ZFPM1: variants seen among roughly 807,000 people sequenced by gnomAD.
ZFPM1 encodes the protein zinc finger protein, FOG family member 1, also known as zinc finger protein ZFPM1.
In ZFPM1, 28 loss-of-function variants were observed where a neutral mutation model predicts 46.3. The ratio of observed to expected loss-of-function variants is 0.60; its 90% CI spans 0.45 to 0.83. The LOEUF is 0.83. Ranked by LOEUF, ZFPM1 falls within the 40% of genes least tolerant of loss-of-function variation. The pLI, the probability that ZFPM1 is intolerant of heterozygous loss-of-function variation, is 0.00. For missense variants in ZFPM1, 1,878 were observed against 1,432.4 expected (o/e 1.31, Z -5.02); for synonymous variants, 957 against 675.9 (o/e 1.42, Z -6.45).
At chr16:88,467,781 TG>T (rs1196393933) in intron 1 of ZFPM1, among the ~76,000 whole-genome samples, 2 of 152,042 alleles carry the variant, frequency 1.3e-5, no homozygotes, top group Admixed American at 6.5e-5. Context: ...TCCATGGCTT[TG>T]GGAGGTGGGG....
rs1913039786 is a variant in ZFPM1 at position 88,534,000 on chromosome 16, G to A, written c.2042G>A (p.Ser681Asn). 7.3e-7 allele frequency: 1 copy of A among 1,371,586 alleles called. No homozygotes were observed. The highest frequency in any genetic ancestry group is 9.6e-7 in the Non-Finnish European group (1 of 1,046,804). 85.0% of individuals were successfully genotyped at this position (1,371,586 alleles called of 1,614,324 possible). A position where few individuals can be genotyped will look rare whatever the true frequency, so the allele number is the denominator to read the frequency against. ...SSVDDAEDDPSRTLCEACNIR... is the reference protein window; with the variant it reads ...SSVDDAEDDPNRTLCEACNIR... ...GTGGACGACGCGGAGGACGACCCCA[G>A]CCGCACGCTGTGCGAGGCCTGCAAC... The change falls in exon 10 of 10, where the codon AGC (serine) becomes AAC (asparagine). Residue 681 changes from serine (S) to asparagine (N), a missense_variant. Transcript: ENST00000319555.
intron 3 of ZFPM1, among the ~76,000 whole-genome samples, chr16:88,499,136 C>G (rs1030316210): frequency 6.6e-6 from 1 of 152,200 alleles, no homozygotes; most frequent in African/African-American, 2.4e-5. Context: ...TGCCGGCACC[C>G]TGGGGCCTGG....
intron 3 of ZFPM1, among the ~76,000 whole-genome samples, chr16:88,512,528 C>G (rs538241167): frequency 6.6e-6 from 1 of 152,254 alleles, no homozygotes; most frequent in African/African-American, 2.4e-5. Flanking sequence ...GACAAGGGGT[C>G]CTCTTGGCCC....
At chr16:88,513,664 G>A (rs548233907) in intron 3 of ZFPM1, among the ~76,000 whole-genome samples, 2 of 152,208 alleles carry the variant, frequency 1.3e-5, no homozygotes, top group Non-Finnish European at 2.9e-5. Flanking sequence ...GTGTGTCCTC[G>A]GCTGGGTGCT....
rs189170958 is a variant in ZFPM1 at position 88,466,962 on chromosome 16, C to T, written c.40+13284C>T. ...CGGCAGGGCTCAGTGAACCCCAAAA[C>T]GGCGGTGGTATTAATGGGGGGACAC... On this transcript the variant is annotated intron_variant, in intron 1 of 9. Transcript: ENST00000319555. 1.8e-3 allele frequency among the ~76,000 whole-genome samples: 281 copies of T among 152,158 alleles called. 2 individuals carry two copies. In the Middle Eastern group the frequency reaches 0.027, roughly 15 times the overall value.
Position 88,533,358 on chromosome 16 carries a change from T to C in ZFPM1, c.1400T>C (p.Val467Ala), listed in dbSNP as rs750433569. 31 of 1,531,038 alleles carry C rather than the reference T, an allele frequency of 2.0e-5. 1 individual carries two copies. The South Asian group carries it at 2.5e-4, about 12-fold the overall frequency. 94.8% of individuals were successfully genotyped at this position (1,531,038 alleles called of 1,614,324 possible). The change falls in exon 10 of 10, where the codon GTG becomes GCG. Residue 467 changes from valine (V) to alanine (A), a missense_variant. Physicochemically the swap from Val to Ala is moderately conservative, Grantham distance 64. Transcript: ENST00000319555. ...AAPRSIKVEA[V>A]EEPEAAPILG... is the part of the protein sequence containing the mutation. ...CCCAGGAGCATCAAGGTGGAGGCGG[T>C]GGAGGAGCCGGAGGCGGCCCCCATC...
chr16:88,498,525 C>G (rs2142394991), intron 3 of ZFPM1, among the ~76,000 whole-genome samples: 1 of 152,338 alleles, frequency 6.6e-6, no homozygotes, highest in South Asian at 2.1e-4. Flanking sequence ...CCCAGGCCCT[C>G]CGGGATCTGC....
chr16:88,509,543 C>CG (rs1166113226), intron 3 of ZFPM1, among the ~76,000 whole-genome samples: 1 of 152,238 alleles, frequency 6.6e-6, no homozygotes, highest in Non-Finnish European at 1.5e-5. Context: ...CACAGGGTGA[C>CG]GCCTTCACCT....
At chr16:88,485,602 G>C (rs915092543) in intron 1 of ZFPM1, among the ~76,000 whole-genome samples, 10 of 151,654 alleles carry the variant, frequency 6.6e-5, no homozygotes, top group African/African-American at 2.2e-4. Context: ...ACCACACCCA[G>C]CTAATTTTTG....
At chr16:88,533,062 C>T in intron 9 of ZFPM1, 86 bp from the exon 10 acceptor site, 1 of 1,468,114 alleles carries the variant, frequency 6.8e-7, no homozygotes, top group Non-Finnish European at 9.0e-7. Context: ...CCCGCCCACC[C>T]CTCCCCTTCC....
chr16:88,504,040 C>A (rs1910521280), intron 3 of ZFPM1, among the ~76,000 whole-genome samples: 1 of 152,022 alleles, frequency 6.6e-6, no homozygotes, highest in Non-Finnish European at 1.5e-5. Flanking sequence ...TGGGTGCCTG[C>A]CAGGCTGGGT....
chr16:88,488,895 C>G lies in ZFPM1; in HGVS notation c.146-136C>G, dbSNP rs1909392857. The G allele has an allele frequency of 2.9e-6, 4 of 1,365,322 alleles. No individual in the cohort carries two copies. In the Middle Eastern group the frequency reaches 5.7e-4, roughly 196 times the overall value. 84.6% of individuals were successfully genotyped at this position (1,365,322 alleles called of 1,614,324 possible). A position where few individuals can be genotyped will look rare whatever the true frequency, so the allele number is the denominator to read the frequency against. Reference sequence around the variant, plus strand: ...TCTGTCCCACCCCAGTGAGAGCGCACCAGGAGATGGGGGTGGCTCTGGGCC... The same window carrying G: ...TCTGTCCCACCCCAGTGAGAGCGCAGCAGGAGATGGGGGTGGCTCTGGGCC... On this transcript the variant is annotated intron_variant, in intron 2 of 9. Coordinates refer to ENST00000319555, the MANE Select transcript of ZFPM1 (RefSeq NM_153813.3).
intron 4 of ZFPM1, among the ~76,000 whole-genome samples, chr16:88,525,948 ATGGCCCGAGGCAC>A (rs946753871): frequency 6.6e-6 from 1 of 152,352 alleles, no homozygotes. Context: ...ACAGCATGGC[ATGGCCCGAGGCAC>A]TGGCATGAGC....
chr16:88,483,545 C>T (rs1012011661), intron 1 of ZFPM1, among the ~76,000 whole-genome samples: 4 of 152,320 alleles, frequency 2.6e-5, no homozygotes, highest in African/African-American at 9.6e-5. Flanking sequence ...GGCGGCAGCC[C>T]CTCCCATCCC....
chr16:88,513,834 C>T (rs1281337885), intron 3 of ZFPM1, among the ~76,000 whole-genome samples: 1 of 152,206 alleles, frequency 6.6e-6, no homozygotes, highest in African/African-American at 2.4e-5. Context: ...TCATGGCTGC[C>T]TCCCATCTCC....
chr16:88,502,097 T>TATTC (rs1910392960), intron 3 of ZFPM1, among the ~76,000 whole-genome samples: 4 of 146,648 alleles, frequency 2.7e-5, no homozygotes, highest in African/African-American at 1.0e-4. Flanking sequence ...TTTATTTATT[T>TATTC]ATTTATTTAT....
chr16:88,519,796 G>A (rs538006318), intron 4 of ZFPM1, among the ~76,000 whole-genome samples: 2 of 151,532 alleles, frequency 1.3e-5, no homozygotes, highest in East Asian at 3.9e-4. Context: ...AGGGTGGGTG[G>A]GTGGATGATG....
At chr16:88,462,680 A>G (rs1437357466) in intron 1 of ZFPM1, among the ~76,000 whole-genome samples, 1 of 152,130 alleles carries the variant, frequency 6.6e-6, no homozygotes, top group Non-Finnish European at 1.5e-5. Context: ...TGGAGTGGAG[A>G]ATCCTAGACC....
At position 88,533,480 on chromosome 16, in the gene ZFPM1, A is replaced by T. The variant is rs767664253; in HGVS notation, c.1522A>T (p.Thr508Ser). Residue 508 changes from threonine (T) to serine (S), a missense_variant, in exon 10 of 10, where the codon ACG becomes TCG. By Grantham distance (58) the Thr-to-Ser change is moderately conservative. Coordinates refer to ENST00000319555, the MANE Select transcript of ZFPM1 (RefSeq NM_153813.3). Reference sequence around the variant, plus strand: ...GGTCAAGGCCGAGCTGTCCAGCCCCACGCCGGGCTCCAGCCCGGTGCCCGG... The same window carrying T: ...GGTCAAGGCCGAGCTGTCCAGCCCCTCGCCGGGCTCCAGCCCGGTGCCCGG... ...ARVKAELSSP[T>S]PGSSPVPGEL... The T allele has an allele frequency of 5.0e-6, 7 of 1,402,286 alleles. No homozygotes were observed. In the Admixed American group the frequency reaches 2.0e-4, roughly 40 times the overall value. The allele number at this position is 1,402,286 out of a possible 1,614,324, so 86.9% of individuals were successfully genotyped here.
Sources: allele counts gnomAD v4.1 joint callset (sites outside exome capture counted in the v4.1 genomes callset), GRCh38; gene constraint gnomAD v4.1.1; transcripts MANE v1.5; gene names NCBI Gene and HGNC (gene_info 2026-07-23, HGNC 2026-07-21).